IL6ST: variants seen among roughly 807,000 people sequenced by gnomAD.
The protein encoded by IL6ST is interleukin-6 receptor subunit beta.
A neutral mutation model predicts 91.3 loss-of-function variants in IL6ST; 24 were observed. The ratio of observed to expected loss-of-function variants is 0.26; its 90% CI spans 0.19 to 0.37. The LOEUF (loss-of-function observed/expected upper bound fraction) is 0.37. IL6ST is among the 10% of genes least tolerant of loss of function. The probability of loss-of-function intolerance (pLI) is 1.00; values close to 1 mark genes in which losing one functional copy is unlikely to be tolerated. For synonymous variants in IL6ST, 351 were observed against 373.6 expected (o/e 0.94, Z 0.70); for missense variants, 914 against 1,078.5 (o/e 0.85, Z 2.14).
Position 55,980,080 on chromosome 5 carries a change from CG to C in IL6ST, c.-16+2643del, listed in dbSNP as rs533383354. 3.1e-3 allele frequency among the ~76,000 whole-genome samples: 474 copies of C among 152,232 alleles called. 3 individuals are homozygous for C. The highest frequency in any genetic ancestry group is 0.01 in the Middle Eastern group (3 of 294). On this transcript the variant is annotated intron_variant, in intron 2 of 16. Transcript: ENST00000381298. ...TATACAAGAAAACAAAACACACATT[CG>C]TTTTTTTATATATGCACAGTATCTC...
At chr5:55,989,114 A>G (rs62363904) in intron 1 of IL6ST, among the ~76,000 whole-genome samples, 15,753 of 147,454 alleles carry the variant, frequency 0.11, 2,694 homozygotes, top group African/African-American at 0.36. Flanking sequence ...CAGCCTGGGT[A>G]ACAGTGCGAG....
At chr5:55,976,353 A>G in intron 2 of IL6ST, 60 bp from the exon 3 acceptor site, 1 of 867,602 alleles carries the variant, frequency 1.2e-6, no homozygotes, top group Non-Finnish European at 1.7e-6. Context: ...CACATAATTT[A>G]AGACACAATC....
chr5:55,963,653 A>G (rs765622779), intron 6 of IL6ST, 147 bp from the exon 7 acceptor site: 1 of 581,626 alleles, frequency 1.7e-6, no homozygotes. Flanking sequence ...ATGCTATGCT[A>G]TATACCTTAT....
intron 4 of IL6ST, among the ~76,000 whole-genome samples, 160 bp from the exon 5 acceptor site, chr5:55,968,556 T>C (rs1752769964): frequency 6.6e-6 from 1 of 152,234 alleles, no homozygotes; most frequent in African/African-American, 2.4e-5. Flanking sequence ...ATTTCTTTTC[T>C]ATCCCAACTC....
intron 1 of IL6ST, among the ~76,000 whole-genome samples, chr5:55,991,315 C>T (rs1754316478): frequency 6.6e-6 from 1 of 152,142 alleles, no homozygotes; most frequent in African/African-American, 2.4e-5. Context: ...ACCATTTTTC[C>T]CTATCTACAA....
chr5:55,976,709 G>A (rs1753312382), intron 2 of IL6ST, among the ~76,000 whole-genome samples: 1 of 152,060 alleles, frequency 6.6e-6, no homozygotes, highest in Non-Finnish European at 1.5e-5. Context: ...GATATATAAA[G>A]AATGCCTACA....
In IL6ST at chr5:55,947,787, T is replaced by C. The variant is rs186672789; in HGVS notation, c.1841-198A>G. 1.3e-3 allele frequency among the ~76,000 whole-genome samples: 202 copies of C among 152,240 alleles called. 3 individuals are homozygous for C. The highest frequency in any genetic ancestry group is 4.7e-4 in the Non-Finnish European group (32 of 68,002). ...TCTTTGGTAAATCACATCCCAACCA[T>C]TTATGTCTTATACATTAACCTGGCC... On this transcript the variant is annotated intron_variant, in intron 14 of 16. Transcript: ENST00000381298.
Position 55,935,682 on chromosome 5 carries a change from GGACTT to G in IL6ST, c.*5395_*5399del, listed in dbSNP as rs1750475257. On this transcript the variant is annotated 3_prime_UTR_variant, in exon 17 of 17. Transcript: ENST00000381298. ...CACTCCATTAACTTGCCCAAGCACT[GGACTT>G]AAGTATGGAAGAGCCTATACGCAGT... 1 of 219,060 alleles carries G rather than the reference GGACTT, an allele frequency of 4.6e-6. No homozygotes were observed. The highest frequency in any genetic ancestry group is 9.2e-6 in the Non-Finnish European group (1 of 109,226). The allele number at this position is 219,060 out of a possible 1,614,324, so 13.6% of individuals were successfully genotyped here.
chr5:55,961,471 C>T (rs1294776095), intron 7 of IL6ST, among the ~76,000 whole-genome samples: 1 of 151,962 alleles, frequency 6.6e-6, no homozygotes, highest in African/African-American at 2.4e-5. Context: ...AGTTGAAAGA[C>T]AGCCGGCTGG....
intron 15 of IL6ST, 67 bp from the exon 16 acceptor site, chr5:55,942,818 TAAACA>T: frequency 4.8e-6 from 4 of 838,368 alleles, no homozygotes; most frequent in Non-Finnish European, 8.0e-6. Flanking sequence ...TCCCTATTTC[TAAACA>T]TGTTCATCAA....
At chr5:55,984,276 A>C (rs1195671597) in intron 1 of IL6ST, among the ~76,000 whole-genome samples, 1 of 152,232 alleles carries the variant, frequency 6.6e-6, no homozygotes, top group Non-Finnish European at 1.5e-5. Flanking sequence ...TTCTAAATAC[A>C]ATATAATTAA....
Position 55,939,677 on chromosome 5 carries a change from T to C in IL6ST, c.*1405A>G, listed in dbSNP as rs1336505491. ...TCCTCTTACTTTCTAAGAAAACCCC[T>C]ATATTTAGCATCTGCTTCCATATCG... On this transcript the variant is annotated 3_prime_UTR_variant, in exon 17 of 17. Coordinates refer to ENST00000381298, the MANE Select transcript of IL6ST (RefSeq NM_002184.4). 1 of 206,430 alleles carries C rather than the reference T, an allele frequency of 4.8e-6. No homozygotes were observed. The highest frequency in any genetic ancestry group is 9.9e-6 in the Non-Finnish European group (1 of 100,934). 12.8% of individuals were successfully genotyped at this position (206,430 alleles called of 1,614,324 possible).
In IL6ST at chr5:55,938,964, G is replaced by A. The variant is rs1750703025; in HGVS notation, c.*2118C>T. ...ATTTGTTTATATCATGGCCTTCAAT[G>A]ATCCTCCATTCTCATTCCTGTAGAT... is the stretch of plus-strand genomic sequence containing the variant. On this transcript the variant is annotated 3_prime_UTR_variant, in exon 17 of 17. Coordinates refer to ENST00000381298, the MANE Select transcript of IL6ST (RefSeq NM_002184.4). The A allele has an allele frequency of 4.9e-6, 1 of 204,252 alleles. No homozygotes were observed. The highest frequency in any genetic ancestry group is 2.3e-5 in the African/African-American group (1 of 43,744). The allele number at this position is 204,252 out of a possible 1,614,324, so 12.7% of individuals were successfully genotyped here. A position where few individuals can be genotyped will look rare whatever the true frequency, so the allele number is the denominator to read the frequency against.
rs1232273754 is a variant in IL6ST at position 55,936,650 on chromosome 5, T to C, written c.*4432A>G. On this transcript the variant is annotated 3_prime_UTR_variant, in exon 17 of 17. Transcript: ENST00000381298. The stretch of plus-strand genomic sequence containing the variant: ...ATAGTAACCACATACAGAAAAAAAA[T>C]TTGAACAAGTATTTATTTCTTAAAA... The C allele has an allele frequency of 5.1e-6, 1 of 194,744 alleles. No homozygotes were observed. Among genetic ancestry groups the C allele is most frequent in the Non-Finnish European group, 1.1e-5 (1 of 93,680 alleles). 12.1% of individuals were successfully genotyped at this position (194,744 alleles called of 1,614,324 possible). A position where few individuals can be genotyped will look rare whatever the true frequency, so the allele number is the denominator to read the frequency against.
chr5:55,942,161 AC>A (rs1239093591), intron 16 of IL6ST, among the ~76,000 whole-genome samples: 3 of 152,246 alleles, frequency 2.0e-5, no homozygotes, highest in African/African-American at 7.2e-5. Context: ...AATACATAAT[AC>A]ATTTTAATCT....
chr5:55,973,091 C>G (rs892944972), intron 3 of IL6ST, among the ~76,000 whole-genome samples: 1 of 151,768 alleles, frequency 6.6e-6, no homozygotes, highest in Non-Finnish European at 1.5e-5. Context: ...TATTTTGCTA[C>G]TTTTATAGGT....
At chr5:55,949,778 T>C (rs1035571632) in intron 14 of IL6ST, among the ~76,000 whole-genome samples, 2 of 152,206 alleles carry the variant, frequency 1.3e-5, no homozygotes, top group African/African-American at 4.8e-5. Flanking sequence ...CATTCATTTA[T>C]TCCCTCATTC....
At chr5:55,953,622 G>A (rs1200739737) in intron 11 of IL6ST, among the ~76,000 whole-genome samples, 2 of 152,226 alleles carry the variant, frequency 1.3e-5, no homozygotes, top group African/African-American at 2.4e-5. Flanking sequence ...CCGACCTCAG[G>A]TGATTTGCCC....
At chr5:55,945,109 A>G (rs1751163138) in intron 15 of IL6ST, among the ~76,000 whole-genome samples, 1 of 152,096 alleles carries the variant, frequency 6.6e-6, no homozygotes, top group Non-Finnish European at 1.5e-5. Flanking sequence ...TATAGATTCA[A>G]TAAAATCCCA....
Sources: gnomAD v4.1 joint callset for allele counts (sites outside exome capture counted in the v4.1 genomes callset) on GRCh38, gnomAD v4.1.1 for gene constraint, MANE v1.5 for transcripts, NCBI Gene and HGNC (gene_info 2026-07-23, HGNC 2026-07-21) for gene names.